Variants in SNTB2 observed in about 807,000 individuals in gnomAD.
SNTB2 encodes the protein beta-2-syntrophin.
SNTB2 carries 34 observed loss-of-function variants against 46.2 expected under a neutral mutation model. That is an observed-to-expected ratio of 0.74 (90% CI 0.56 to 0.98). SNTB2 has a LOEUF of 0.98. SNTB2 is among the 50% of genes least tolerant of loss of function. The pLI is 0.00. For missense variants in SNTB2, 603 were observed against 731.4 expected, an observed-to-expected ratio of 0.82 and a Z score of 2.02; for synonymous variants, 290 against 312.6, an observed-to-expected ratio of 0.93 and a Z score of 0.76.
intron 5 of SNTB2, among the ~76,000 whole-genome samples, chr16:69,288,748 TTGC>T (rs1485376653): frequency 2.0e-5 from 3 of 152,344 alleles, no homozygotes. Flanking sequence ...TCCATGTTTA[TTGC>T]TGCACTATTC....
At chr16:69,295,803 C>A (rs1483269375) in intron 5 of SNTB2, among the ~76,000 whole-genome samples, 7 of 151,878 alleles carry the variant, frequency 4.6e-5, no homozygotes, top group Admixed American at 3.3e-4. Flanking sequence ...CTTATTTCCC[C>A]TATCTCCCTT....
chr16:69,188,970 AG>A (rs1964021873), intron 1 of SNTB2, among the ~76,000 whole-genome samples: 1 of 152,168 alleles, frequency 6.6e-6, no homozygotes, highest in African/African-American at 2.4e-5. Context: ...ATGAGTCAGG[AG>A]GGTATTCCTG....
chr16:69,253,882 T>C (rs990309550), intron 2 of SNTB2, among the ~76,000 whole-genome samples: 7 of 152,086 alleles, frequency 4.6e-5, no homozygotes. Context: ...TGAGAGATTG[T>C]CCTAGGAATT....
At chr16:69,246,690 C>T (rs1964672748) in intron 2 of SNTB2, among the ~76,000 whole-genome samples, 1 of 141,024 alleles carries the variant, frequency 7.1e-6, no homozygotes, top group African/African-American at 2.7e-5. Context: ...CCATCTGGTC[C>T]TGGACTCTTT....
rs1160903028 is a variant in SNTB2 at position 69,295,230 on chromosome 16, A to ATTTT, written c.1346-4332_1346-4329dup. Among the ~76,000 whole-genome samples the ATTTT allele has an allele frequency of 4.6e-4, 38 of 81,934 alleles. 2 individuals carry two copies. The highest frequency in any genetic ancestry group is 1.0e-3 in the East Asian group (3 of 2,966). 53.8% of individuals were successfully genotyped at this position (81,934 alleles called of 152,430 possible). On this transcript the variant is annotated intron_variant, in intron 5 of 6. Transcript: ENST00000336278. ...CTGTTAAACAAAATCAACATACTGA[A>ATTTT]TTTTTTTTTTTTTTTTTTTTTTTTT...
intron 4 of SNTB2, among the ~76,000 whole-genome samples, chr16:69,270,762 T>C (rs758590206): frequency 5.8e-4 from 88 of 152,358 alleles, no homozygotes; most frequent in Non-Finnish European, 9.7e-4. Flanking sequence ...GAAATAAACA[T>C]TGATTTGACC....
rs187073925 is a variant in SNTB2 at position 69,280,297 on chromosome 16, A to G, written c.1149-3751A>G. ...GACATGGCAACCATCCGATTTCTCA[A>G]TCCTTTCCCCACCTTTCCCCCCTTT... On this transcript the variant is annotated intron_variant, in intron 4 of 6. Transcript: ENST00000336278. 1.3e-4 allele frequency among the ~76,000 whole-genome samples: 20 copies of G among 152,272 alleles called. No homozygotes were observed. In the East Asian group the frequency reaches 2.9e-3, roughly 22 times the overall value.
At chr16:69,226,351 G>A (rs976288116) in intron 1 of SNTB2, among the ~76,000 whole-genome samples, 5 of 151,330 alleles carry the variant, frequency 3.3e-5, no homozygotes, top group Admixed American at 6.6e-5. Flanking sequence ...GATTACAGGC[G>A]TGAGCCACCA....
At chr16:69,277,789 T>C (rs1964996644) in intron 4 of SNTB2, among the ~76,000 whole-genome samples, 1 of 152,246 alleles carries the variant, frequency 6.6e-6, no homozygotes, top group Non-Finnish European at 1.5e-5. Flanking sequence ...TTAAAAATCC[T>C]GTATAGAAAA....
intron 1 of SNTB2, among the ~76,000 whole-genome samples, chr16:69,212,044 G>C (rs1424154115): frequency 6.6e-6 from 1 of 152,034 alleles, no homozygotes; most frequent in African/African-American, 2.4e-5. Context: ...ACCCTTAACT[G>C]ACTATCAACA....
At chr16:69,296,620 G>T (rs1946916384) in intron 5 of SNTB2, among the ~76,000 whole-genome samples, 1 of 151,766 alleles carries the variant, frequency 6.6e-6, no homozygotes, top group Admixed American at 6.6e-5. Context: ...TACTCGGGAG[G>T]CTGAGGCAGG....
At chr16:69,200,973 G>A (rs771139124) in intron 1 of SNTB2, among the ~76,000 whole-genome samples, 4 of 152,296 alleles carry the variant, frequency 2.6e-5, no homozygotes, top group Admixed American at 6.5e-5. Flanking sequence ...ACACTTTACC[G>A]AGTTGCTGCA....
chr16:69,195,051 TTTA>T (rs1362355981), intron 1 of SNTB2, among the ~76,000 whole-genome samples: 2 of 152,184 alleles, frequency 1.3e-5, no homozygotes, highest in Admixed American at 1.3e-4. Context: ...TTTTCAGTAT[TTTA>T]TTGGTATTTT....
intron 1 of SNTB2, among the ~76,000 whole-genome samples, chr16:69,242,736 G>A (rs554144188): frequency 2.0e-5 from 3 of 152,152 alleles, no homozygotes; most frequent in South Asian, 4.2e-4. Flanking sequence ...AAAGGGATAC[G>A]TGAGGCCGGG....
At chr16:69,188,088 C>A (rs898028960) in intron 1 of SNTB2, among the ~76,000 whole-genome samples, 2 of 151,328 alleles carry the variant, frequency 1.3e-5, no homozygotes, top group Non-Finnish European at 2.9e-5. Flanking sequence ...TGAGAAGTGC[C>A]GGGTTGGCGC....
At chr16:69,244,835 T>C (rs926352108) in intron 1 of SNTB2, among the ~76,000 whole-genome samples, 1 of 152,246 alleles carries the variant, frequency 6.6e-6, no homozygotes, top group Non-Finnish European at 1.5e-5. Flanking sequence ...AGGCTGGGCA[T>C]TCCTTGAGGG....
chr16:69,209,223 A>T (rs910372865), intron 1 of SNTB2, among the ~76,000 whole-genome samples: 2 of 152,118 alleles, frequency 1.3e-5, no homozygotes, highest in African/African-American at 4.8e-5. Context: ...CGCCTGCCTC[A>T]GCCTCCCAAA....
intron 1 of SNTB2, among the ~76,000 whole-genome samples, chr16:69,236,189 G>C (rs188127155): frequency 3.3e-5 from 5 of 152,300 alleles, no homozygotes; most frequent in Middle Eastern, 6.8e-3. Context: ...TGAGGGGACA[G>C]AAGAGAAGAG....
intron 1 of SNTB2, among the ~76,000 whole-genome samples, chr16:69,226,836 G>T (rs1271952912): frequency 6.6e-6 from 1 of 152,200 alleles, no homozygotes; most frequent in Non-Finnish European, 1.5e-5. Flanking sequence ...TGGCCCTAAG[G>T]TTATGTTTTT....
Sources: allele counts gnomAD v4.1 joint callset (sites outside exome capture counted in the v4.1 genomes callset), GRCh38; gene constraint gnomAD v4.1.1; transcripts MANE v1.5; gene names NCBI Gene and HGNC (gene_info 2026-07-23, HGNC 2026-07-21).